The following KANK1 variants were observed in gnomAD, a reference collection of about 807,000 sequenced individuals.
The protein encoded by KANK1 is KN motif and ankyrin repeat domain-containing protein 1.
Under a neutral mutation model 106.2 loss-of-function variants are expected in KANK1, and 109 were observed. The ratio of observed to expected loss-of-function variants is 1.03; its 90% CI spans 0.88 to 1.20. The LOEUF is 1.20. Ranked by LOEUF, KANK1 falls within the 50% of genes most tolerant of loss-of-function variation. The pLI is 0.00. For synonymous variants in KANK1, 873 were observed against 652.2 expected, an observed-to-expected ratio of 1.34 and a Z score of -5.16; for missense variants, 2,399 against 1,710.7, an observed-to-expected ratio of 1.40 and a Z score of -7.10.
intron 1 of KANK1, among the ~76,000 whole-genome samples, chr9:575,767 A>T (rs1380828814): frequency 6.6e-6 from 1 of 152,244 alleles, no homozygotes; most frequent in Non-Finnish European, 1.5e-5. Flanking sequence ...CATGCCTGTA[A>T]TCCCAGCACT....
Position 711,920 on chromosome 9 carries a change from G to T in KANK1, c.1154G>T (p.Ser385Ile). 6.2e-7 allele frequency: 1 copy of T among 1,614,196 alleles called. No homozygotes were observed. The highest frequency in any genetic ancestry group is 8.5e-7 in the Non-Finnish European group (1 of 1,180,032). Residue 385 changes from serine (S) to isoleucine (I), a missense_variant, in exon 3 of 12, where the codon AGC (serine) becomes ATC (isoleucine). Transcript: ENST00000382297. ...CTGGAGCAGAAGATCCAGGACAGCA[G>T]CTGTGAGGCCTCCTCAGAGCTCAGG... ...QALEQKIQDS[S>I]CEASSELREN... is the part of the protein sequence containing the mutation.
chr9:649,743 G>C (rs1330760352), intron 1 of KANK1, among the ~76,000 whole-genome samples: 1 of 152,122 alleles, frequency 6.6e-6, no homozygotes, highest in African/African-American at 2.4e-5. Flanking sequence ...TATGTGTTAA[G>C]CTGGTACTGA....
intron 1 of KANK1, among the ~76,000 whole-genome samples, chr9:607,524 G>A (rs1829530489): frequency 7.0e-6 from 1 of 142,996 alleles, no homozygotes; most frequent in South Asian, 2.2e-4. Flanking sequence ...GGCTATGCTT[G>A]TTAAACACTG....
chr9:561,091 C>A (rs939642519), intron 1 of KANK1, among the ~76,000 whole-genome samples: 3 of 151,952 alleles, frequency 2.0e-5, no homozygotes, highest in Non-Finnish European at 4.4e-5. Flanking sequence ...AGAGGGTAAG[C>A]CAGGGAAATA....
intron 1 of KANK1, among the ~76,000 whole-genome samples, chr9:622,692 A>G (rs1833427418): frequency 6.6e-6 from 1 of 152,096 alleles, no homozygotes; most frequent in African/African-American, 2.4e-5. Context: ...TCACAAGGTC[A>G]GGAGTTTGAG....
At chr9:641,814 C>CT (rs1838508309) in intron 1 of KANK1, among the ~76,000 whole-genome samples, 1 of 152,166 alleles carries the variant, frequency 6.6e-6, no homozygotes, top group Non-Finnish European at 1.5e-5. Context: ...TTAAGGACTA[C>CT]TTTATTAAGG....
At chr9:723,938 G>GAA (rs34095663) in intron 3 of KANK1, among the ~76,000 whole-genome samples, 8,224 of 135,150 alleles carry the variant, frequency 0.061, 532 homozygotes, top group East Asian at 0.19. Context: ...TTAAAAATAC[G>GAA]AAAAAAAAAA....
chr9:726,060 T>G (rs1226776477), intron 3 of KANK1, among the ~76,000 whole-genome samples: 1 of 152,222 alleles, frequency 6.6e-6, no homozygotes, highest in East Asian at 1.9e-4. Context: ...CTTCCATGAT[T>G]TTTCTAATAC....
At chr9:653,614 C>T (rs973569641) in intron 1 of KANK1, among the ~76,000 whole-genome samples, 2 of 152,066 alleles carry the variant, frequency 1.3e-5, no homozygotes, top group African/African-American at 2.4e-5. Context: ...CATTTGATTT[C>T]GGAGGTTTCA....
chr9:573,101 A>C (rs11791549), intron 1 of KANK1, among the ~76,000 whole-genome samples: 22 of 152,140 alleles, frequency 1.4e-4, no homozygotes, highest in Non-Finnish European at 2.9e-4. Context: ...CATGATGCTG[A>C]TATGCTGCTG....
At chr9:606,142 TACACACACACACAC>T (rs3028170) in intron 1 of KANK1, among the ~76,000 whole-genome samples, 25 of 141,752 alleles carry the variant, frequency 1.8e-4, no homozygotes, top group South Asian at 4.5e-4. Flanking sequence ...CACATATTCC[TACACACACACACAC>T]ACACACACAC....
At chr9:577,600 C>T (rs1377123066) in intron 1 of KANK1, among the ~76,000 whole-genome samples, 1 of 152,206 alleles carries the variant, frequency 6.6e-6, no homozygotes, top group Non-Finnish European at 1.5e-5. Context: ...CTTGTGCCCA[C>T]CCTTCAGACT....
intron 1 of KANK1, among the ~76,000 whole-genome samples, chr9:554,913 C>T (rs2061490903): frequency 6.6e-6 from 1 of 152,140 alleles, no homozygotes; most frequent in African/African-American, 2.4e-5. Flanking sequence ...GCACCATGGG[C>T]AAGTATTCTC....
chr9:528,351 A>G (rs532346089), intron 1 of KANK1, among the ~76,000 whole-genome samples: 45 of 151,568 alleles, frequency 3.0e-4, no homozygotes, highest in African/African-American at 9.9e-4. Flanking sequence ...CTTCTGGGCA[A>G]TCCTCTGATT....
At chr9:614,763 G>T (rs1393898268) in intron 1 of KANK1, among the ~76,000 whole-genome samples, 1 of 152,078 alleles carries the variant, frequency 6.6e-6, no homozygotes, top group African/African-American at 2.4e-5. Flanking sequence ...GGGCCTTGTG[G>T]ATTTAGTGAA....
intron 7 of KANK1, among the ~76,000 whole-genome samples, 173 bp from the exon 8 acceptor site, chr9:738,112 A>T (rs1834276796): frequency 6.6e-6 from 1 of 152,134 alleles, no homozygotes; most frequent in Non-Finnish European, 1.5e-5. Flanking sequence ...TAAAATCAGG[A>T]GAAATGTCCC....
At chr9:667,095 AG>A (rs1254086889) in intron 1 of KANK1, among the ~76,000 whole-genome samples, 2 of 151,120 alleles carry the variant, frequency 1.3e-5, no homozygotes, top group Non-Finnish European at 2.9e-5. Context: ...CTTTGATAGG[AG>A]AGTTTTAATT....
chr9:511,384 T>C (rs2059021621), intron 1 of KANK1, among the ~76,000 whole-genome samples: 1 of 152,224 alleles, frequency 6.6e-6, no homozygotes, highest in Admixed American at 6.5e-5. Flanking sequence ...TGTGGAAATA[T>C]TGTAGGTGTA....
intron 2 of KANK1, among the ~76,000 whole-genome samples, chr9:698,397 A>C (rs1453831121): frequency 6.6e-6 from 1 of 152,186 alleles, no homozygotes; most frequent in African/African-American, 2.4e-5. Context: ...TTCCCAGGTT[A>C]GATTTCTCAT....
Sources: allele counts gnomAD v4.1 joint callset (sites outside exome capture counted in the v4.1 genomes callset), GRCh38; gene constraint gnomAD v4.1.1; transcripts MANE v1.5; gene names NCBI Gene and HGNC (gene_info 2026-07-23, HGNC 2026-07-21).